Variants in MIPOL1 observed in about 807,000 individuals in gnomAD.
MIPOL1 encodes mirror-image polydactyly gene 1 protein.
Under a neutral mutation model 60.9 loss-of-function variants are expected in MIPOL1, and 57 were observed. The observed-to-expected ratio is 0.94, with a 90% CI of 0.76 to 1.17. The LOEUF is 1.17. Among genes scored for constraint, MIPOL1 ranks in the 50% most tolerant of loss-of-function variants. The probability of loss-of-function intolerance (pLI) is 0.00; values close to 1 mark genes in which losing one functional copy is unlikely to be tolerated. For synonymous variants in MIPOL1, 179 were observed against 168.8 expected, an observed-to-expected ratio of 1.06 and a Z score of -0.47; for missense variants, 551 against 511.6, an observed-to-expected ratio of 1.08 and a Z score of -0.74.
At chr14:37,387,019 A>G (rs2093089822) in intron 10 of MIPOL1, among the ~76,000 whole-genome samples, 1 of 151,882 alleles carries the variant, frequency 6.6e-6, no homozygotes, top group South Asian at 2.1e-4. Flanking sequence ...AACAAGTGTC[A>G]TTGCATAAAA....
At chr14:37,214,192 C>T (rs1967183880) in intron 1 of MIPOL1, among the ~76,000 whole-genome samples, 1 of 151,908 alleles carries the variant, frequency 6.6e-6, no homozygotes, top group South Asian at 2.1e-4. Context: ...GGCACGGTAA[C>T]TGTGGTGTGT....
intron 11 of MIPOL1, among the ~76,000 whole-genome samples, chr14:37,494,603 A>G (rs2153608418): frequency 6.6e-6 from 1 of 152,336 alleles, no homozygotes; most frequent in East Asian, 1.9e-4. Context: ...AGAGGTTTCC[A>G]GTGCAGACAT....
At chr14:37,233,682 C>G (rs1287538991) in intron 1 of MIPOL1, among the ~76,000 whole-genome samples, 1 of 152,220 alleles carries the variant, frequency 6.6e-6, no homozygotes, top group African/African-American at 2.4e-5. Flanking sequence ...CATCAGAACT[C>G]TCACAAAATT....
At chr14:37,386,956 C>T (rs1297269719) in intron 10 of MIPOL1, among the ~76,000 whole-genome samples, 1 of 151,790 alleles carries the variant, frequency 6.6e-6, no homozygotes, top group East Asian at 1.9e-4. Context: ...CCCAACAGAG[C>T]CAATTGATAA....
chr14:37,387,793 A>G (rs1032606227), intron 10 of MIPOL1, among the ~76,000 whole-genome samples: 2 of 151,960 alleles, frequency 1.3e-5, no homozygotes, highest in Non-Finnish European at 2.9e-5. Context: ...TTTAGAATGT[A>G]TTTATTATAA....
At chr14:37,359,370 A>T (rs554027413) in intron 9 of MIPOL1, among the ~76,000 whole-genome samples, 1 of 152,316 alleles carries the variant, frequency 6.6e-6, no homozygotes, top group Admixed American at 6.5e-5. Context: ...AATTCTGTGA[A>T]GAAAGTCAGT....
chr14:37,487,322 G>A (rs1042643567), intron 11 of MIPOL1, among the ~76,000 whole-genome samples: 1 of 152,096 alleles, frequency 6.6e-6, no homozygotes, highest in Non-Finnish European at 1.5e-5. Flanking sequence ...TCTCTGCCAC[G>A]TTTTGGTATC....
chr14:37,242,338 C>G (rs1972490087), intron 1 of MIPOL1, among the ~76,000 whole-genome samples: 1 of 151,854 alleles, frequency 6.6e-6, no homozygotes, highest in Non-Finnish European at 1.5e-5. Flanking sequence ...AATAATGTGC[C>G]TATTCAAGCA....
intron 10 of MIPOL1, among the ~76,000 whole-genome samples, chr14:37,409,044 G>C (rs770052556): frequency 1.3e-5 from 2 of 152,136 alleles, no homozygotes. Flanking sequence ...AAGCAGCAAG[G>C]CTAGGGAGCT....
chr14:37,228,755 G>T (rs574680145), intron 1 of MIPOL1, among the ~76,000 whole-genome samples: 4 of 151,972 alleles, frequency 2.6e-5, no homozygotes, highest in Non-Finnish European at 5.9e-5. Context: ...CACATTTTTC[G>T]TGTGTAATTA....
intron 7 of MIPOL1, among the ~76,000 whole-genome samples, chr14:37,295,844 C>T (rs1024412480): frequency 1.3e-5 from 2 of 152,132 alleles, no homozygotes; most frequent in Admixed American, 1.3e-4. Context: ...GACCCCCACA[C>T]AGTAATCATG....
intron 1 of MIPOL1, among the ~76,000 whole-genome samples, chr14:37,225,354 C>G (rs991047434): frequency 2.6e-5 from 4 of 152,248 alleles, no homozygotes; most frequent in African/African-American, 4.8e-5. Flanking sequence ...GGGCCCCACC[C>G]TGCCGCAAAC....
At chr14:37,222,054 A>G (rs7142673) in intron 1 of MIPOL1, among the ~76,000 whole-genome samples, 68,364 of 151,932 alleles carry the variant, frequency 0.45, 17,866 homozygotes, top group African/African-American at 0.73. Context: ...TCATCCCAAG[A>G]CAGATTCCTC....
intron 1 of MIPOL1, chr14:37,240,504 G>A (rs545783448): frequency 3.3e-5 from 5 of 152,262 alleles, no homozygotes; most frequent in African/African-American, 7.2e-5. Flanking sequence ...GTATCAGTGC[G>A]TCAGAACTTG....
chr14:37,246,906 A>G (rs1210553421), intron 1 of MIPOL1, among the ~76,000 whole-genome samples, 197 bp from the exon 2 acceptor site: 1 of 152,136 alleles, frequency 6.6e-6, no homozygotes, highest in Non-Finnish European at 1.5e-5. Context: ...GTATATTACT[A>G]AGCACATTAA....
intron 9 of MIPOL1, among the ~76,000 whole-genome samples, chr14:37,318,351 C>T (rs980260870): frequency 3.9e-5 from 6 of 152,066 alleles, no homozygotes; most frequent in South Asian, 4.2e-4. Flanking sequence ...AGGTTATACT[C>T]GAAAGGAAAA....
At chr14:37,493,531 C>T (rs529715157) in intron 11 of MIPOL1, among the ~76,000 whole-genome samples, 14 of 152,210 alleles carry the variant, frequency 9.2e-5, no homozygotes, top group South Asian at 6.2e-4. Context: ...CTACCTTGGC[C>T]TGCCATTGGA....
intron 10 of MIPOL1, among the ~76,000 whole-genome samples, chr14:37,372,500 TC>T (rs2092666852): frequency 6.6e-6 from 1 of 152,044 alleles, no homozygotes; most frequent in Non-Finnish European, 1.5e-5. Context: ...ACACCTGTAA[TC>T]CCAGCACTTA....
At chr14:37,201,474 C>G (rs981690906) in intron 1 of MIPOL1, among the ~76,000 whole-genome samples, 1 of 152,050 alleles carries the variant, frequency 6.6e-6, no homozygotes. Flanking sequence ...CTAGACAGTT[C>G]TGGATATTTT....
Sources: allele counts gnomAD v4.1 joint callset (sites outside exome capture counted in the v4.1 genomes callset), GRCh38; gene constraint gnomAD v4.1.1; transcripts MANE v1.5; gene names NCBI Gene and HGNC (gene_info 2026-07-23, HGNC 2026-07-21).